Variants in PHIP observed in about 807,000 individuals in gnomAD.
PHIP encodes PHIP subunit of CUL4-Ring ligase complex.
In PHIP, 54 loss-of-function variants were observed where a neutral mutation model predicts 236.8. The ratio of observed to expected loss-of-function variants is 0.23; its 90% CI spans 0.18 to 0.29. The LOEUF (loss-of-function observed/expected upper bound fraction) is 0.29. Ranked by LOEUF, PHIP falls within the 10% of genes least tolerant of loss-of-function variation. The probability of loss-of-function intolerance (pLI) is 1.00; values close to 1 mark genes in which losing one functional copy is unlikely to be tolerated. For synonymous variants in PHIP, 756 were observed against 718.9 expected (o/e 1.05, Z -0.83); for missense variants, 1,370 against 2,190.8 (o/e 0.63, Z 7.48).
At chr6:78,961,135 T>C (rs991145516) in intron 31 of PHIP, among the ~76,000 whole-genome samples, 4 of 152,206 alleles carry the variant, frequency 2.6e-5, no homozygotes, top group African/African-American at 9.6e-5. Context: ...ACCTAGATAA[T>C]GCAAATTAAT....
At chr6:78,952,142 G>T (rs1018604767) in intron 35 of PHIP, among the ~76,000 whole-genome samples, 1 of 151,968 alleles carries the variant, frequency 6.6e-6, no homozygotes, top group African/African-American at 2.4e-5. Flanking sequence ...CTTGGCCATC[G>T]GGCATGGTGG....
At chr6:78,957,202 T>C (rs1420748202) in intron 32 of PHIP, 2 of 152,022 alleles carry the variant, frequency 1.3e-5, no homozygotes, top group African/African-American at 2.4e-5. Context: ...TATTAACAAT[T>C]TTCATCTAAA....
At chr6:79,052,529 A>C (rs1199197350) in intron 6 of PHIP, among the ~76,000 whole-genome samples, 2 of 152,236 alleles carry the variant, frequency 1.3e-5, no homozygotes, top group African/African-American at 4.8e-5. Flanking sequence ...AGTAATATAC[A>C]TAGTAAGATT....
At chr6:78,973,356 C>T (rs1317247794) in intron 24 of PHIP, among the ~76,000 whole-genome samples, 1 of 150,272 alleles carries the variant, frequency 6.7e-6, no homozygotes, top group Non-Finnish European at 1.5e-5. Flanking sequence ...CAGGCCTGCC[C>T]TACAAGAGCT....
chr6:79,077,997 GT>G, intron 1 of PHIP, 31 bp downstream of exon 1: 1 of 1,606,772 alleles, frequency 6.2e-7, no homozygotes, highest in Non-Finnish European at 8.5e-7. Flanking sequence ...GAATCGCCCG[GT>G]GCCAGCGGCC....
chr6:78,992,641 T>C (rs1167880860), intron 19 of PHIP, among the ~76,000 whole-genome samples: 4 of 152,202 alleles, frequency 2.6e-5, no homozygotes, highest in Non-Finnish European at 5.9e-5. Context: ...TGGAGATCTG[T>C]TGTCAGTAAT....
intron 20 of PHIP, among the ~76,000 whole-genome samples, chr6:78,989,664 T>C (rs1041061676): frequency 6.6e-6 from 1 of 152,206 alleles, no homozygotes; most frequent in African/African-American, 2.4e-5. Context: ...TACATATACA[T>C]ATCATTCCTT....
At position 78,941,315 on chromosome 6, in the gene PHIP, T is replaced by C. The variant is rs1368673081; in HGVS notation, c.4844A>G (p.Asn1615Ser). The C allele has an allele frequency of 6.2e-7, 1 of 1,612,930 alleles. No individual in the cohort carries two copies. Among genetic ancestry groups the C allele is most frequent in the East Asian group, 2.2e-5 (1 of 44,872 alleles). Residue 1615 changes from asparagine to serine, a missense_variant, in exon 40 of 40, where the codon AAC becomes AGC. By Grantham distance (46) the Asn-to-Ser change is conservative. Coordinates refer to ENST00000275034, the MANE Select transcript of PHIP (RefSeq NM_017934.7). ...TTGAATGGTTCCTGGTACAAGAGCG[T>C]TGTTCTTACAATCTCCTAAAAGGGA... Reference protein sequence around the residue: ...AVIEQGDCKNNALVPGTIQVN... With the variant: ...AVIEQGDCKNSALVPGTIQVN...
At chr6:78,979,788 T>C (rs1341158756) in intron 23 of PHIP, among the ~76,000 whole-genome samples, 2 of 152,090 alleles carry the variant, frequency 1.3e-5, no homozygotes, top group Non-Finnish European at 2.9e-5. Context: ...CTTGTTTTTT[T>C]AAAAACAAGG....
intron 4 of PHIP, among the ~76,000 whole-genome samples, chr6:79,061,773 G>A (rs1773392668): frequency 6.6e-6 from 1 of 152,098 alleles, no homozygotes; most frequent in Non-Finnish European, 1.5e-5. Flanking sequence ...CAAGAAATTT[G>A]AAAATTGTTC....
intron 7 of PHIP, among the ~76,000 whole-genome samples, chr6:79,039,620 T>C (rs888140866): frequency 6.6e-6 from 1 of 152,158 alleles, no homozygotes; most frequent in Non-Finnish European, 1.5e-5. Context: ...CTGAAGTTCA[T>C]TAAAGGAATG....
chr6:79,020,300 T>TAAA (rs1771053228), intron 9 of PHIP, among the ~76,000 whole-genome samples: 1 of 152,150 alleles, frequency 6.6e-6, no homozygotes, highest in Admixed American at 6.5e-5. Context: ...GTTAAGAATT[T>TAAA]AAAAAATAAG....
chr6:79,023,079 G>C (rs1193210301), intron 9 of PHIP, among the ~76,000 whole-genome samples: 1 of 152,156 alleles, frequency 6.6e-6, no homozygotes, highest in African/African-American at 2.4e-5. Flanking sequence ...GATTGTTCTT[G>C]TTTTTGTGTT....
intron 4 of PHIP, among the ~76,000 whole-genome samples, chr6:79,075,833 T>C (rs1166411337): frequency 2.6e-5 from 4 of 152,158 alleles, no homozygotes; most frequent in African/African-American, 9.7e-5. Context: ...AAGACGAGTT[T>C]TGTAAAACCT....
Position 78,992,219 on chromosome 6 carries a change from T to A in PHIP, c.2202-1234A>T, listed in dbSNP as rs143975685. Among the ~76,000 whole-genome samples, 625 of 152,228 alleles carry A rather than the reference T, an allele frequency of 4.1e-3. 3 individuals carry two copies. The highest frequency in any genetic ancestry group is 0.014 in the African/African-American group (571 of 41,558). ...CCTCGTGATCCCCCCCACCTCGGCC[T>A]CCCAAAGTGCTGGGATTACAGGTGT... On this transcript the variant is annotated intron_variant, in intron 19 of 39. Coordinates refer to ENST00000275034, the MANE Select transcript of PHIP (RefSeq NM_017934.7).
intron 32 of PHIP, 101 bp downstream of exon 32, chr6:78,958,374 A>C: frequency 1.3e-6 from 1 of 786,178 alleles, no homozygotes; most frequent in East Asian, 2.7e-5. Context: ...GCTACTCTTA[A>C]ATGTTTCTTC....
intron 20 of PHIP, among the ~76,000 whole-genome samples, chr6:78,989,518 C>A (rs778704472): frequency 6.6e-6 from 1 of 152,046 alleles, no homozygotes; most frequent in South Asian, 2.1e-4. Context: ...TCCTTGAAAT[C>A]GAAAATAACC....
At chr6:79,075,398 G>C (rs1055806455) in intron 4 of PHIP, among the ~76,000 whole-genome samples, 8 of 152,110 alleles carry the variant, frequency 5.3e-5, no homozygotes, top group African/African-American at 1.9e-4. Flanking sequence ...TAAACTGTCT[G>C]ATGAGTATGC....
chr6:78,989,969 A>G (rs1229713492), intron 20 of PHIP, among the ~76,000 whole-genome samples: 1 of 152,162 alleles, frequency 6.6e-6, no homozygotes, highest in African/African-American at 2.4e-5. Context: ...CCAGGGTATG[A>G]TACACTCAGT....
Sources: gnomAD v4.1 joint callset for allele counts (sites outside exome capture counted in the v4.1 genomes callset) on GRCh38, gnomAD v4.1.1 for gene constraint, MANE v1.5 for transcripts, NCBI Gene and HGNC (gene_info 2026-07-23, HGNC 2026-07-21) for gene names.